DNAAF5: variants seen among roughly 807,000 people sequenced by gnomAD.
DNAAF5 encodes the protein dynein axonemal assembly factor 5, also known as HEAT repeat containing 2.
Under a neutral mutation model 75.8 loss-of-function variants are expected in DNAAF5, and 64 were observed. The observed-to-expected ratio is 0.84, with a 90% CI of 0.69 to 1.04. The LOEUF (loss-of-function observed/expected upper bound fraction) is 1.04. Among genes scored for constraint, DNAAF5 ranks in the 50% least tolerant of loss-of-function variants. The pLI is 0.00. For synonymous variants in DNAAF5, 657 were observed against 557.2 expected (o/e 1.18, Z -2.52); for missense variants, 1,269 against 1,178.5 (o/e 1.08, Z -1.12).
At chr7:775,796 A>G (rs1427504814) in intron 11 of DNAAF5, among the ~76,000 whole-genome samples, 1 of 151,404 alleles carries the variant, frequency 6.6e-6, no homozygotes, top group Non-Finnish European at 1.5e-5. Flanking sequence ...GCCTTAAAAC[A>G]ACGTTGAACC....
intron 12 of DNAAF5, among the ~76,000 whole-genome samples, chr7:784,554 C>A (rs1779089128): frequency 6.6e-6 from 1 of 152,196 alleles, no homozygotes; most frequent in Admixed American, 6.5e-5. Context: ...TTCTGGCCCC[C>A]ACCCCTGCAG....
chr7:744,002 A>G (rs1180615689), intron 4 of DNAAF5, among the ~76,000 whole-genome samples: 3 of 151,274 alleles, frequency 2.0e-5, no homozygotes, highest in East Asian at 1.9e-4. Flanking sequence ...GGTTAGTTAC[A>G]TATGTATACA....
intron 2 of DNAAF5, among the ~76,000 whole-genome samples, chr7:734,986 T>G (rs1309412820): frequency 6.6e-6 from 1 of 152,086 alleles, no homozygotes; most frequent in Non-Finnish European, 1.5e-5. Context: ...GCTCACAGTG[T>G]CGCTGCTCAC....
chr7:771,271 GGGTGC>G (rs1778555830), intron 9 of DNAAF5: 1 of 152,312 alleles, frequency 6.6e-6, no homozygotes, highest in Non-Finnish European at 1.5e-5. Context: ...CAAGAAGCAT[GGGTGC>G]CCTCTAGGAG....
chr7:751,761 A>C (rs1255679682), intron 4 of DNAAF5, among the ~76,000 whole-genome samples: 3 of 151,740 alleles, frequency 2.0e-5, no homozygotes, highest in African/African-American at 7.3e-5. Flanking sequence ...TTTAGTAGAG[A>C]CGGGGTTTCA....
chr7:775,026 A>C lies in DNAAF5; in HGVS notation c.2103A>C (p.Thr701=), dbSNP rs1778711766. 1 of 1,613,928 alleles carries C rather than the reference A, an allele frequency of 6.2e-7. No homozygotes were observed. Among genetic ancestry groups the C allele is most frequent in the Non-Finnish European group, 8.5e-7 (1 of 1,179,940 alleles). Residue 701 remains threonine, a synonymous_variant, in exon 11 of 13, where the codon ACA becomes ACC. Transcript: ENST00000297440. ...TGCAGATACGGGACGTGCAGGAAAC[A>C]CTGATGCCCCAGGTCCTGACCACCC... The part of the protein sequence containing the change: ...SAEQIRDVQE[T]LMPQVLTTLE...
chr7:734,806 T>C (rs745691731), intron 2 of DNAAF5, among the ~76,000 whole-genome samples: 1 of 152,210 alleles, frequency 6.6e-6, no homozygotes, highest in Non-Finnish European at 1.5e-5. Context: ...GTAGGTCATA[T>C]GTGTCTAGGA....
At chr7:767,569 C>A (rs1219145419) in intron 8 of DNAAF5, among the ~76,000 whole-genome samples, 3 of 152,134 alleles carry the variant, frequency 2.0e-5, no homozygotes, top group Non-Finnish European at 4.4e-5. Context: ...GCTCTGGCAA[C>A]CATTAAAAAC....
intron 2 of DNAAF5, among the ~76,000 whole-genome samples, chr7:734,096 T>C (rs979552566): frequency 2.0e-5 from 3 of 152,232 alleles, no homozygotes; most frequent in Non-Finnish European, 4.4e-5. Flanking sequence ...TTCCCTTTAT[T>C]TTTCTTGTCT....
intron 9 of DNAAF5, chr7:772,069 A>G (rs1470129984): frequency 6.6e-6 from 1 of 152,354 alleles, no homozygotes; most frequent in Non-Finnish European, 1.5e-5. Context: ...TGCGCAGAGC[A>G]CCTTCCTGCT....
At chr7:731,360 C>A (rs1361294345) in intron 2 of DNAAF5, among the ~76,000 whole-genome samples, 1 of 152,202 alleles carries the variant, frequency 6.6e-6, no homozygotes, top group Non-Finnish European at 1.5e-5. Context: ...TACTGGAACT[C>A]TGTGGAGCAC....
chr7:727,631 T>G, intron 1 of DNAAF5: 1 of 152,492 alleles, frequency 6.6e-6, no homozygotes, highest in Non-Finnish European at 1.4e-5. Flanking sequence ...CCGTGACCCC[T>G]GTTCCTGCTT....
At chr7:746,643 C>A (rs1782121919) in intron 4 of DNAAF5, among the ~76,000 whole-genome samples, 1 of 151,724 alleles carries the variant, frequency 6.6e-6, no homozygotes, top group Admixed American at 6.6e-5. Context: ...CACCCCCCAC[C>A]CACCTTGCCC....
chr7:783,182 A>G (rs1038782438), intron 12 of DNAAF5, among the ~76,000 whole-genome samples: 2 of 152,046 alleles, frequency 1.3e-5, no homozygotes, highest in African/African-American at 2.4e-5. Context: ...CCGCACAGCC[A>G]GGGTGGGTGC....
intron 2 of DNAAF5, among the ~76,000 whole-genome samples, chr7:734,593 A>G (rs1306447735): frequency 6.6e-6 from 1 of 152,198 alleles, no homozygotes; most frequent in African/African-American, 2.4e-5. Flanking sequence ...GGCCTCATAA[A>G]TTAAGTTTGG....
chr7:728,858 G>A (rs142411956), intron 1 of DNAAF5, among the ~76,000 whole-genome samples: 3 of 152,248 alleles, frequency 2.0e-5, no homozygotes, highest in East Asian at 1.9e-4. Context: ...CTCTGGTCTC[G>A]GTCACACTGG....
In DNAAF5 at chr7:727,008, A is replaced by G; in HGVS notation, c.288A>G (p.Ala96=). 2.2e-5 allele frequency: 27 copies of G among 1,238,068 alleles called. No individual in the cohort carries two copies. Among genetic ancestry groups the G allele is most frequent in the Non-Finnish European group, 2.7e-5 (27 of 986,392 alleles). The allele number at this position is 1,238,068 out of a possible 1,614,324, so 76.7% of individuals were successfully genotyped here. A position where few individuals can be genotyped will look rare whatever the true frequency, so the allele number is the denominator to read the frequency against. ...SDPAEGCRAL[A]VHLLDLGLRR... is the part of the protein sequence containing the mutation. ...CCGCCGAGGGCTGCCGCGCGCTGGC[A>G]GTGCACCTGCTGGATCTGGGCCTGC... is the stretch of plus-strand genomic sequence containing the variant. The change falls in exon 1 of 13, where the codon GCA becomes GCG. Residue 96 remains alanine, a synonymous_variant. Transcript: ENST00000297440.
chr7:774,139 A>G lies in DNAAF5; in HGVS notation c.2023A>G (p.Thr675Ala), dbSNP rs1014604675. Reference sequence around the variant, plus strand: ...GGGGAGGACAGCCGCGGCCATCCGCACGGCTGCCGTGTCCTGCCTCTGGGC... The same window carrying G: ...GGGGAGGACAGCCGCGGCCATCCGCGCGGCTGCCGTGTCCTGCCTCTGGGC... ...HAGRTAAAIRTAAVSCLWALT... is the reference protein window; with the variant it reads ...HAGRTAAAIRAAAVSCLWALT... The change falls in exon 10 of 13, where the codon ACG becomes GCG. Residue 675 changes from threonine to alanine, a missense_variant. By Grantham distance (58) the Thr-to-Ala change is moderately conservative. Coordinates refer to ENST00000297440, the MANE Select transcript of DNAAF5 (RefSeq NM_017802.4). The G allele has an allele frequency of 6.2e-7, 1 of 1,611,818 alleles. No homozygotes were observed. The highest frequency in any genetic ancestry group is 8.5e-7 in the Non-Finnish European group (1 of 1,179,900).
intron 1 of DNAAF5, among the ~76,000 whole-genome samples, chr7:729,142 G>T (rs147113587): frequency 6.6e-6 from 1 of 152,048 alleles, no homozygotes; most frequent in African/African-American, 2.4e-5. Context: ...GATTACAGGC[G>T]CCTGCCACCT....
Sources: allele counts gnomAD v4.1 joint callset (sites outside exome capture counted in the v4.1 genomes callset), GRCh38; gene constraint gnomAD v4.1.1; transcripts MANE v1.5; gene names NCBI Gene and HGNC (gene_info 2026-07-23, HGNC 2026-07-21).